ROBO2: variants seen among roughly 807,000 people sequenced by gnomAD.
The protein encoded by ROBO2 is roundabout guidance receptor 2.
Under a neutral mutation model 160.8 loss-of-function variants are expected in ROBO2, and 53 were observed. The ratio of observed to expected loss-of-function variants is 0.33; its 90% CI spans 0.26 to 0.41. The LOEUF (loss-of-function observed/expected upper bound fraction) is 0.41, where lower values mean the gene tolerates loss of function less well. Ranked by LOEUF, ROBO2 falls within the 10% of genes least tolerant of loss-of-function variation. The pLI, the probability that ROBO2 is intolerant of heterozygous loss-of-function variation, is 1.00. For synonymous variants in ROBO2, 664 were observed against 611.7 expected, an observed-to-expected ratio of 1.09 and a Z score of -1.26; for missense variants, 1,577 against 1,722.4, an observed-to-expected ratio of 0.92 and a Z score of 1.49.
chr3:76,850,810 AT>A (rs996300331), intron 2 of ROBO2, among the ~76,000 whole-genome samples: 15 of 152,248 alleles, frequency 9.9e-5, no homozygotes, highest in African/African-American at 3.6e-4. Flanking sequence ...TGCCCATTCA[AT>A]TTTAGGATAT....
exon 22 of ROBO2, chr3:77,617,772 T>C: frequency 3.1e-6 from 5 of 1,611,660 alleles, no homozygotes; most frequent in Non-Finnish European, 4.2e-6. Flanking sequence ...AAAACAAACA[T>C]GGTAAATATC....
Position 77,057,220 on chromosome 3 carries a change from C to A in ROBO2, c.61+16374C>A, listed in dbSNP as rs376633674. Among the ~76,000 whole-genome samples the A allele has an allele frequency of 4.6e-5, 7 of 152,208 alleles. No homozygotes were observed. In the South Asian group the frequency reaches 1.0e-3, roughly 23 times the overall value. ...GCAAGCTATTGCAAGGACAGAAAACCAAACACCGCATGTTCTCACTCATAG... is the reference window on the plus strand; with the variant it reads ...GCAAGCTATTGCAAGGACAGAAAACAAAACACCGCATGTTCTCACTCATAG... On this transcript the variant is annotated intron_variant, in intron 1 of 25. Transcript: ENST00000461745.
chr3:77,486,832 C>T (rs1319794639), intron 4 of ROBO2, among the ~76,000 whole-genome samples: 1 of 152,004 alleles, frequency 6.6e-6, no homozygotes, highest in Admixed American at 6.6e-5. Context: ...TTCTCTTCCC[C>T]ACCATCCCCC....
intron 2 of ROBO2, among the ~76,000 whole-genome samples, chr3:77,409,088 C>CAT (rs2076488323): frequency 9.1e-6 from 1 of 109,474 alleles, no homozygotes; most frequent in Non-Finnish European, 2.0e-5. Flanking sequence ...TCTTGAAATA[C>CAT]ATACATATAT....
At chr3:77,583,150 TCCA>T (rs1383151684) in intron 16 of ROBO2, among the ~76,000 whole-genome samples, 8 of 55,470 alleles carry the variant, frequency 1.4e-4, no homozygotes, top group Non-Finnish European at 2.0e-4. Flanking sequence ...ACTCTGTCTC[TCCA>T]AAAAAAAAAA....
chr3:76,334,087 C>T (rs1009104514), intron 2 of ROBO2, among the ~76,000 whole-genome samples: 3 of 152,120 alleles, frequency 2.0e-5, no homozygotes, highest in Non-Finnish European at 4.4e-5. Flanking sequence ...CACATGTATA[C>T]GTATGTAACA....
chr3:77,583,074 G>A (rs140036346), intron 16 of ROBO2, among the ~76,000 whole-genome samples: 37 of 150,348 alleles, frequency 2.5e-4, no homozygotes, highest in Non-Finnish European at 4.1e-4. Flanking sequence ...CTTGGGAGGC[G>A]GAGGTTGCAG....
At chr3:77,056,279 T>G (rs2065733211) in intron 1 of ROBO2, among the ~76,000 whole-genome samples, 1 of 152,190 alleles carries the variant, frequency 6.6e-6, no homozygotes. Flanking sequence ...GTGTAAAAAC[T>G]TGTCCCCCAA....
At chr3:76,468,472 C>T (rs2078476843) in intron 2 of ROBO2, among the ~76,000 whole-genome samples, 2 of 152,060 alleles carry the variant, frequency 1.3e-5, no homozygotes, top group Admixed American at 1.3e-4. Flanking sequence ...TTTTCTCACT[C>T]AACTTCTTGC....
intron 2 of ROBO2, among the ~76,000 whole-genome samples, chr3:77,241,888 A>C (rs2089099829): frequency 1.3e-5 from 2 of 152,168 alleles, no homozygotes; most frequent in Admixed American, 1.3e-4. Context: ...TGCATAAAGG[A>C]ATCAAAAGTC....
At chr3:77,629,438 C>T (rs927885474) in intron 23 of ROBO2, 1 of 152,042 alleles carries the variant, frequency 6.6e-6, no homozygotes, top group Non-Finnish European at 1.5e-5. Flanking sequence ...AGAAACTCAA[C>T]TATTTTTAGG....
chr3:76,902,530 A>C (rs2075309795), intron 2 of ROBO2, among the ~76,000 whole-genome samples: 1 of 152,122 alleles, frequency 6.6e-6, no homozygotes, highest in African/African-American at 2.4e-5. Flanking sequence ...TTTGAAAAAT[A>C]TCTCAAAACA....
chr3:76,166,932 T>G (rs942593802), intron 2 of ROBO2, among the ~76,000 whole-genome samples: 1 of 151,942 alleles, frequency 6.6e-6, no homozygotes, highest in Admixed American at 6.6e-5. Context: ...AAATTACACT[T>G]GAGTTTTTGT....
At chr3:76,080,185 G>C (rs1335305818) in intron 2 of ROBO2, among the ~76,000 whole-genome samples, 1 of 152,154 alleles carries the variant, frequency 6.6e-6, no homozygotes, top group Non-Finnish European at 1.5e-5. Context: ...GCCTCGGCCA[G>C]GATGCTGACG....
At chr3:76,431,788 CTT>C (rs947280994) in intron 2 of ROBO2, among the ~76,000 whole-genome samples, 7 of 152,028 alleles carry the variant, frequency 4.6e-5, no homozygotes, top group Non-Finnish European at 1.0e-4. Context: ...TTGTTTTCTG[CTT>C]TTGTCTTAAA....
chr3:75,907,863 G>A (rs570382427), intron 1 of ROBO2, among the ~76,000 whole-genome samples: 1 of 55,406 alleles, frequency 1.8e-5, no homozygotes, highest in East Asian at 2.9e-4. Flanking sequence ...GTGTGTGTGT[G>A]TGTGTGTGTG....
intron 2 of ROBO2, among the ~76,000 whole-genome samples, chr3:76,946,585 C>T (rs941691827): frequency 1.3e-5 from 2 of 151,980 alleles, no homozygotes; most frequent in Non-Finnish European, 1.5e-5. Flanking sequence ...TTACAGGCGC[C>T]CACCACGGCA....
At chr3:77,574,757 T>C (rs1365072106) in intron 14 of ROBO2, 27 bp downstream of exon 15, 2 of 1,575,820 alleles carry the variant, frequency 1.3e-6, no homozygotes, top group Admixed American at 1.7e-5. Context: ...CGAATATAAA[T>C]CAAACATGAT....
intron 2 of ROBO2, among the ~76,000 whole-genome samples, chr3:76,523,217 T>C (rs1343075626): frequency 6.6e-6 from 1 of 151,900 alleles, no homozygotes; most frequent in Non-Finnish European, 1.5e-5. Flanking sequence ...GTGTGTGATA[T>C]GCCTGTCTAA....
Sources: allele counts gnomAD v4.1 joint callset (sites outside exome capture counted in the v4.1 genomes callset), GRCh38; gene constraint gnomAD v4.1.1; transcripts MANE v1.5; gene names NCBI Gene and HGNC (gene_info 2026-07-23, HGNC 2026-07-21).